PREP: variants seen among roughly 807,000 people sequenced by gnomAD.
PREP encodes dJ355L5.1 (prolyl endopeptidase).
In PREP, 29 loss-of-function variants were observed where a neutral mutation model predicts 87.6. The ratio of observed to expected loss-of-function variants is 0.33; its 90% CI spans 0.25 to 0.45. The LOEUF (loss-of-function observed/expected upper bound fraction) is 0.45. Among genes scored for constraint, PREP ranks in the 20% least tolerant of loss-of-function variants. PREP has a pLI of 1.00. For synonymous variants in PREP, 337 were observed against 328.6 expected (o/e 1.03, Z -0.28); for missense variants, 695 against 886.5 (o/e 0.78, Z 2.74).
intron 6 of PREP, among the ~76,000 whole-genome samples, chr6:105,354,072 A>G (rs983931064): frequency 6.6e-6 from 1 of 152,154 alleles, no homozygotes; most frequent in Admixed American, 6.5e-5. Context: ...TTTTGCAACT[A>G]ATTTTTTTCA....
intron 10 of PREP, among the ~76,000 whole-genome samples, chr6:105,316,257 C>T (rs1770865804): frequency 6.6e-6 from 1 of 152,080 alleles, no homozygotes; most frequent in South Asian, 2.1e-4. Context: ...ATTATTTGGC[C>T]TAATTTTAAC....
chr6:105,333,950 A>G (rs1438076172), intron 7 of PREP, among the ~76,000 whole-genome samples: 1 of 152,130 alleles, frequency 6.6e-6, no homozygotes, highest in East Asian at 1.9e-4. Context: ...GGCTGTCACA[A>G]CTTGAGGGTG....
intron 1 of PREP, among the ~76,000 whole-genome samples, chr6:105,402,589 C>G (rs1002412322): frequency 6.6e-6 from 1 of 152,202 alleles, no homozygotes; most frequent in Non-Finnish European, 1.5e-5. Flanking sequence ...TGCCCTTGAC[C>G]CCATTGATTC....
chr6:105,371,708 T>C (rs1772553420), intron 5 of PREP, among the ~76,000 whole-genome samples: 1 of 152,030 alleles, frequency 6.6e-6, no homozygotes, highest in Non-Finnish European at 1.5e-5. Context: ...ACTTAAGTGA[T>C]TGTCATTGAG....
At chr6:105,350,097 T>C (rs1310184717) in intron 7 of PREP, among the ~76,000 whole-genome samples, 2 of 152,128 alleles carry the variant, frequency 1.3e-5, no homozygotes, top group African/African-American at 4.8e-5. Flanking sequence ...AGAGCAGCTT[T>C]GAATCTGCAG....
chr6:105,309,727 C>T (rs1294384775), intron 10 of PREP, among the ~76,000 whole-genome samples: 2 of 152,216 alleles, frequency 1.3e-5, no homozygotes, highest in Non-Finnish European at 2.9e-5. Flanking sequence ...CACTCTTGCA[C>T]ACTCATTCCC....
At chr6:105,372,794 T>TA (rs1353624032) in intron 5 of PREP, among the ~76,000 whole-genome samples, 2 of 152,248 alleles carry the variant, frequency 1.3e-5, no homozygotes, top group African/African-American at 4.8e-5. Flanking sequence ...CCTTAGGAGA[T>TA]ATAACACATC....
chr6:105,395,477 A>G (rs1270497082), intron 2 of PREP, among the ~76,000 whole-genome samples: 1 of 152,226 alleles, frequency 6.6e-6, no homozygotes, highest in Non-Finnish European at 1.5e-5. Flanking sequence ...GATATATTTC[A>G]GAATTTGAGA....
chr6:105,295,273 T>G (rs557068528), intron 10 of PREP, among the ~76,000 whole-genome samples: 14 of 152,042 alleles, frequency 9.2e-5, no homozygotes, highest in Admixed American at 4.6e-4. Context: ...TCTGCTAACT[T>G]CATTCAGCCT....
In PREP at chr6:105,275,533, A is replaced by G. The variant is rs1010633802; in HGVS notation, c.*2611T>C. On this transcript the variant is annotated 3_prime_UTR_variant, in exon 15 of 15. Transcript: ENST00000652536. ...CTTTTTCTTTTTCAAAACAGTCCTA[A>G]AAAAACTAAACATATAAGTCCTCTG... Among the ~76,000 whole-genome samples, 1 of 152,186 alleles carries G rather than the reference A, an allele frequency of 6.6e-6. No homozygotes were observed. Among genetic ancestry groups the G allele is most frequent in the East Asian group, 1.9e-4 (1 of 5,202 alleles).
intron 3 of PREP, 39 bp from the exon 4 acceptor site, chr6:105,376,294 T>C (rs769350213): frequency 6.3e-7 from 1 of 1,591,858 alleles, no homozygotes; most frequent in Non-Finnish European, 8.5e-7. Flanking sequence ...CTGTGGAGTT[T>C]TCTATTTGTG....
At chr6:105,318,618 T>C (rs188154370) in intron 10 of PREP, among the ~76,000 whole-genome samples, 5 of 152,282 alleles carry the variant, frequency 3.3e-5, no homozygotes, top group Admixed American at 2.0e-4. Flanking sequence ...AAGTAAAATA[T>C]GTTGCCATGA....
intron 2 of PREP, among the ~76,000 whole-genome samples, chr6:105,386,562 A>G (rs1192221556): frequency 2.0e-5 from 3 of 152,216 alleles, no homozygotes; most frequent in African/African-American, 7.2e-5. Flanking sequence ...AAAAAATTGG[A>G]ACCATTAACA....
chr6:105,349,700 G>A (rs1771894266), intron 7 of PREP, among the ~76,000 whole-genome samples: 1 of 151,962 alleles, frequency 6.6e-6, no homozygotes, highest in Non-Finnish European at 1.5e-5. Context: ...CTAGCAGAAA[G>A]GCTTTAAGAT....
At chr6:105,284,963 C>T (rs746933946) in intron 12 of PREP, among the ~76,000 whole-genome samples, 6 of 152,196 alleles carry the variant, frequency 3.9e-5, no homozygotes, top group Non-Finnish European at 7.3e-5. Flanking sequence ...GTCACAGCAG[C>T]AATGCTAGGA....
chr6:105,384,834 T>C (rs1448134453), intron 2 of PREP, among the ~76,000 whole-genome samples: 1 of 152,056 alleles, frequency 6.6e-6, no homozygotes, highest in African/African-American at 2.4e-5. Context: ...AAAATAAAAT[T>C]ATCAGAGAAA....
In PREP at chr6:105,377,509, T is replaced by C; in HGVS notation, c.131A>G (p.Glu44Gly). ...PDSEQTKAFV[E>G]AQNKITVPFL... is the part of the protein sequence containing the mutation. Reference sequence around the variant, plus strand: ...TGGCACAGTAATCTTATTCTGGGCCTCCACAAAGGCCTGTGGAGAAATTAA... The same window carrying C: ...TGGCACAGTAATCTTATTCTGGGCCCCCACAAAGGCCTGTGGAGAAATTAA... The change falls in exon 3 of 15, where the codon GAG becomes GGG. Residue 44 changes from glutamate (E) to glycine (G), a missense_variant. Coordinates refer to ENST00000652536, the MANE Select transcript of PREP (RefSeq NM_002726.5). 6.2e-7 allele frequency: 1 copy of C among 1,612,990 alleles called. No homozygotes were observed.
At chr6:105,356,938 G>A (rs907798772) in intron 6 of PREP, among the ~76,000 whole-genome samples, 1 of 152,030 alleles carries the variant, frequency 6.6e-6, no homozygotes. Context: ...AATTTTTATT[G>A]CTGAGGTACT....
chr6:105,294,526 T>C, intron 10 of PREP, among the ~76,000 whole-genome samples: 1 of 152,216 alleles, frequency 6.6e-6, no homozygotes, highest in Non-Finnish European at 1.5e-5. Context: ...ACCAAGATCT[T>C]AGTTTCCACC....
Sources: allele counts gnomAD v4.1 joint callset (sites outside exome capture counted in the v4.1 genomes callset), GRCh38; gene constraint gnomAD v4.1.1; transcripts MANE v1.5; gene names NCBI Gene and HGNC (gene_info 2026-07-23, HGNC 2026-07-21).